The following DNAJC11 variants were observed in gnomAD, a reference collection of about 807,000 sequenced individuals.
DNAJC11 encodes the protein dnaJ homolog subfamily C member 11.
A neutral mutation model predicts 78.6 loss-of-function variants in DNAJC11; 15 were observed. The ratio of observed to expected loss-of-function variants is 0.19; its 90% confidence interval spans 0.13 to 0.29. The LOEUF (loss-of-function observed/expected upper bound fraction) is 0.29, where lower values mean the gene tolerates loss of function less well. DNAJC11 is among the 10% of genes least tolerant of loss of function. The pLI is 1.00. For synonymous variants in DNAJC11, 292 were observed against 272.1 expected (o/e 1.07, Z -0.72); for missense variants, 547 against 709.6 (o/e 0.77, Z 2.60).
chr1:6,640,812 C>A (rs1641863297), intron 10 of DNAJC11, among the ~76,000 whole-genome samples: 8 of 152,046 alleles, frequency 5.3e-5, no homozygotes, highest in Admixed American at 5.2e-4. Flanking sequence ...AGGAAAAGGA[C>A]TGAGGATGCA....
chr1:6,660,061 C>CA lies in DNAJC11; in HGVS notation c.379-6023dup, dbSNP rs879582430. On this transcript the variant is annotated intron_variant, in intron 4 of 15. Transcript: ENST00000377577. Reference sequence around the variant, plus strand: ...ACAGAGCAAGACTCTGTCTCAAAAACAAAAAAAAAAACCAAAATCAAAACA... The same window carrying CA: ...ACAGAGCAAGACTCTGTCTCAAAAACAAAAAAAAAAAACCAAAATCAAAACA... 4.6e-3 allele frequency among the ~76,000 whole-genome samples: 648 copies of CA among 139,806 alleles called. 4 individuals are homozygous for CA. Among genetic ancestry groups the CA allele is most frequent in the African/African-American group, 0.013 (503 of 38,408 alleles). 91.7% of individuals were successfully genotyped at this position (139,806 alleles called of 152,430 possible). A position where few individuals can be genotyped will look rare whatever the true frequency, so the allele number is the denominator to read the frequency against.
rs59818822 is a variant in DNAJC11 at position 6,634,496 on chromosome 1, C to A, written c.*1179G>T. 420 of 1,341,770 alleles carry A rather than the reference C, an allele frequency of 3.1e-4. 7 individuals carry two copies. The East Asian group carries it at 0.019, about 61-fold the overall frequency. The allele number at this position is 1,341,770 out of a possible 1,614,324, so 83.1% of individuals were successfully genotyped here. On this transcript the variant is annotated 3_prime_UTR_variant, in exon 16 of 16. Coordinates refer to ENST00000377577, the MANE Select transcript of DNAJC11 (RefSeq NM_018198.4). ...CAGCTGTGGGTGGGCTGGAGGCCGG[C>A]GCAGCTTGGGGCCCCCCGCGCCAGC... is the stretch of plus-strand genomic sequence containing the variant.
At chr1:6,698,079 G>A (rs1217239717) in intron 1 of DNAJC11, among the ~76,000 whole-genome samples, 3 of 152,094 alleles carry the variant, frequency 2.0e-5, no homozygotes, top group Non-Finnish European at 4.4e-5. Context: ...CTTGAGCCAC[G>A]CGCCCAGCCT....
At chr1:6,647,969 T>C (rs934328158) in intron 7 of DNAJC11, among the ~76,000 whole-genome samples, 7 of 152,294 alleles carry the variant, frequency 4.6e-5, no homozygotes, top group African/African-American at 1.7e-4. Flanking sequence ...CTGTAAATGC[T>C]GATGATCAGT....
In DNAJC11 at chr1:6,653,810, T is replaced by G. The variant is rs933070242; in HGVS notation, c.507+101A>C. The stretch of plus-strand genomic sequence containing the variant: ...AATTGCATCCTTTCATAAATAAAGA[T>G]GAGAAAAACCCTGGGCAGACTCTCA... On this transcript the variant is annotated intron_variant, in intron 5 of 15. Coordinates refer to ENST00000377577, the MANE Select transcript of DNAJC11 (RefSeq NM_018198.4). This position sits in a 1 kb window ranked among gnomAD's most constrained non-coding sequence, Gnocchi z 4.5. 6.4e-5 allele frequency: 92 copies of G among 1,436,390 alleles called. No homozygotes were observed. Among genetic ancestry groups the G allele is most frequent in the Non-Finnish European group, 7.6e-5 (80 of 1,053,500 alleles). 89.0% of individuals were successfully genotyped at this position (1,436,390 alleles called of 1,614,324 possible).
intron 10 of DNAJC11, among the ~76,000 whole-genome samples, chr1:6,643,541 C>T (rs1016869693): frequency 6.6e-6 from 1 of 151,998 alleles, no homozygotes; most frequent in Non-Finnish European, 1.5e-5. Flanking sequence ...TCCCAAAGTG[C>T]TGGGATTACA....
chr1:6,699,601 T>C (rs1263913184), intron 1 of DNAJC11, among the ~76,000 whole-genome samples: 1 of 152,168 alleles, frequency 6.6e-6, no homozygotes, highest in Non-Finnish European at 1.5e-5. Flanking sequence ...GACATCTTCA[T>C]TTAAAGGGAA....
chr1:6,674,206 T>C (rs1189744375), intron 3 of DNAJC11, among the ~76,000 whole-genome samples: 3 of 152,010 alleles, frequency 2.0e-5, no homozygotes, highest in Admixed American at 6.5e-5. Flanking sequence ...AAGTTGGGAA[T>C]GGTTACATCT....
chr1:6,668,122 C>G (rs1464679181), intron 3 of DNAJC11: 3 of 310,478 alleles, frequency 9.7e-6, no homozygotes, highest in African/African-American at 6.4e-5. Context: ...AGGAAAATGT[C>G]ACCTTATGAA....
At chr1:6,655,488 A>C (rs77529167) in intron 4 of DNAJC11, among the ~76,000 whole-genome samples, 14,319 of 152,232 alleles carry the variant, frequency 0.094, 866 homozygotes, top group South Asian at 0.16. Flanking sequence ...CTCTGTCATG[A>C]TGATGATTCT....
rs142037019 is a variant in DNAJC11 at position 6,644,854 on chromosome 1, C to T, written c.981-180G>A. Among the ~76,000 whole-genome samples, 314 of 152,340 alleles carry T rather than the reference C, an allele frequency of 2.1e-3. 1 individual carries two copies. The highest frequency in any genetic ancestry group is 7.2e-3 in the African/African-American group (300 of 41,576). Reference sequence around the variant, plus strand: ...CATGGTCTAGTTCTTCCACAACACTCTCTAAGCTCCTCAAGGGCTGGGACT... The same window carrying T: ...CATGGTCTAGTTCTTCCACAACACTTTCTAAGCTCCTCAAGGGCTGGGACT... On this transcript the variant is annotated intron_variant, in intron 9 of 15. Transcript: ENST00000377577.
At chr1:6,642,311 G>A (rs1486043231) in intron 10 of DNAJC11, among the ~76,000 whole-genome samples, 1 of 152,220 alleles carries the variant, frequency 6.6e-6, no homozygotes, top group Non-Finnish European at 1.5e-5. Context: ...CCTACGGAAA[G>A]CAGACACACA....
chr1:6,659,858 C>A (rs1642182194), intron 4 of DNAJC11, among the ~76,000 whole-genome samples: 1 of 151,944 alleles, frequency 6.6e-6, no homozygotes, highest in Non-Finnish European at 1.5e-5. Context: ...GAGATCGAAA[C>A]CATCCTGGCT....
intron 4 of DNAJC11, among the ~76,000 whole-genome samples, chr1:6,663,996 C>T (rs1310879377): frequency 6.6e-6 from 1 of 152,198 alleles, no homozygotes; most frequent in African/African-American, 2.4e-5. Context: ...ATGCTGCCTC[C>T]CATGGATGTG....
intron 1 of DNAJC11, among the ~76,000 whole-genome samples, chr1:6,681,419 T>C (rs1642550622): frequency 6.6e-6 from 1 of 152,168 alleles, no homozygotes; most frequent in Non-Finnish European, 1.5e-5. Flanking sequence ...AAAGAAAAGC[T>C]ATATACCATT....
intron 3 of DNAJC11, among the ~76,000 whole-genome samples, chr1:6,676,217 G>T (rs919086021): frequency 5.9e-5 from 9 of 152,158 alleles, no homozygotes; most frequent in African/African-American, 2.2e-4. Context: ...GAGTGGTGGG[G>T]ACTGGGACAA....
In DNAJC11 at chr1:6,654,043, G is replaced by C. The variant is rs749762963; in HGVS notation, c.379-4C>G. The C allele has an allele frequency of 1.2e-6, 2 of 1,611,724 alleles. No individual in the cohort carries two copies. The highest frequency in any genetic ancestry group is 1.7e-6 in the Non-Finnish European group (2 of 1,178,260). On this transcript the variant is annotated splice_polypyrimidine_tract_variant and splice_region_variant and intron_variant, in intron 4 of 15. Coordinates refer to ENST00000377577, the MANE Select transcript of DNAJC11 (RefSeq NM_018198.4). ...CTACTCCAACGCTGATCGTTCCCTG[G>C]GGCAGAAAAACAAGCCGTCAGCAGA...
Position 6,661,297 on chromosome 1 carries a change from C to A in DNAJC11, c.378+6412G>T, listed in dbSNP as rs115695063. ...ATTCACCTGTTTTATAACTGGTGAACCCAGCATGGCACTCATGACGCTTCC... is the reference window on the plus strand; with the variant it reads ...ATTCACCTGTTTTATAACTGGTGAAACCAGCATGGCACTCATGACGCTTCC... On this transcript the variant is annotated intron_variant, in intron 4 of 15. Transcript: ENST00000377577. Among the ~76,000 whole-genome samples, 639 of 152,268 alleles carry A rather than the reference C, an allele frequency of 4.2e-3. 8 individuals are homozygous for A. Among genetic ancestry groups the A allele is most frequent in the African/African-American group, 0.013 (556 of 41,534 alleles).
chr1:6,668,867 C>T (rs759140091), intron 3 of DNAJC11, among the ~76,000 whole-genome samples: 6 of 152,010 alleles, frequency 3.9e-5, no homozygotes, highest in East Asian at 1.9e-4. Context: ...AACTCGGGGA[C>T]GCAGAGTAAT....
Sources: allele counts gnomAD v4.1 joint callset (sites outside exome capture counted in the v4.1 genomes callset), GRCh38; gene constraint gnomAD v4.1.1; non-coding constraint Gnocchi (gnomAD v3.1); transcripts MANE v1.5; gene names NCBI Gene and HGNC (gene_info 2026-07-23, HGNC 2026-07-21).